UBXN2A: variants seen among roughly 807,000 people sequenced by gnomAD.
UBXN2A encodes the protein UBX domain protein 2A, also known as UBX domain-containing protein 2A.
UBXN2A carries 28 observed loss-of-function variants against 28.4 expected under a neutral mutation model. That is an observed-to-expected ratio of 0.99 (90% CI 0.73 to 1.35). UBXN2A has a LOEUF of 1.35. Among genes scored for constraint, UBXN2A ranks in the 40% most tolerant of loss-of-function variants. The pLI is 0.00. For missense variants in UBXN2A, 253 were observed against 297.9 expected, an observed-to-expected ratio of 0.85 and a Z score of 1.11; for synonymous variants, 97 against 103.6, an observed-to-expected ratio of 0.94 and a Z score of 0.39.
intron 1 of UBXN2A, among the ~76,000 whole-genome samples, chr2:23,945,500 G>T (rs144911079): frequency 2.0e-5 from 3 of 152,254 alleles, no homozygotes; most frequent in African/African-American, 7.2e-5. Flanking sequence ...AGGCTTGGGG[G>T]CCTAATCACA....
chr2:23,938,692 C>T (rs1193776196), upstream of UBXN2A, among the ~76,000 whole-genome samples: 4 of 151,818 alleles, frequency 2.6e-5, no homozygotes, highest in East Asian at 3.9e-4. Context: ...TACTATACAG[C>T]TGTATACAGC....
chr2:23,969,749 G>A (rs990414030), intron 2 of UBXN2A, among the ~76,000 whole-genome samples: 6 of 152,082 alleles, frequency 3.9e-5, no homozygotes, highest in African/African-American at 1.4e-4. Context: ...GAGTCCAGGA[G>A]GTTGAGGCAG....
intron 1 of UBXN2A, among the ~76,000 whole-genome samples, chr2:23,952,916 T>C (rs1414893574): frequency 4.0e-5 from 6 of 151,058 alleles, no homozygotes; most frequent in Non-Finnish European, 8.8e-5. Flanking sequence ...AAGTCATTGA[T>C]TTTTTTTTCA....
chr2:23,935,133 T>C (rs55846516), intron 1 of UBXN2A, among the ~76,000 whole-genome samples: 18,317 of 152,130 alleles, frequency 0.12, 1,197 homozygotes, highest in Middle Eastern at 0.21. Flanking sequence ...AGCTATAAAA[T>C]GCTTAGAAAA....
intron 4 of UBXN2A, 22 bp downstream of exon 4, chr2:23,977,097 G>A (rs191834070): frequency 4.5e-5 from 71 of 1,594,410 alleles, no homozygotes; most frequent in Non-Finnish European, 1.8e-5. Flanking sequence ...GGTGTGGTAG[G>A]TCAAGCCTGT....
upstream of UBXN2A, among the ~76,000 whole-genome samples, chr2:23,940,110 C>CAA (rs70941601): frequency 1.5e-3 from 152 of 103,998 alleles, 1 homozygote; most frequent in African/African-American, 3.8e-3. Flanking sequence ...GATTTAGTCT[C>CAA]AAAAAAAAAA....
intron 1 of UBXN2A, among the ~76,000 whole-genome samples, chr2:23,958,090 A>C (rs1220949007): frequency 6.6e-6 from 1 of 152,200 alleles, no homozygotes; most frequent in East Asian, 1.9e-4. Flanking sequence ...TTTTTTTCAT[A>C]ATAAGTTTTA....
rs766386641 is a variant in UBXN2A, at chr2:23,977,007, C to T, written c.219C>T (p.Thr73=). 7.2e-5 allele frequency: 116 copies of T among 1,612,082 alleles called. No individual in the cohort carries two copies. Among genetic ancestry groups the T allele is most frequent in the African/African-American group, 1.1e-4 (8 of 74,870 alleles). The change falls in exon 4 of 7, where the codon ACC becomes ACT. Residue 73 remains threonine, a synonymous_variant. Transcript: ENST00000309033. ...VNIKLWKNGF[T]VNDDFRSYSD... Reference sequence around the variant, plus strand: ...TAAAATTATGGAAAAACGGATTCACCGTCAACGACGATTTCAGAAGTTATT... The same window carrying T: ...TAAAATTATGGAAAAACGGATTCACTGTCAACGACGATTTCAGAAGTTATT...
intron 6 of UBXN2A, among the ~76,000 whole-genome samples, chr2:23,998,326 T>C (rs923244269): frequency 2.6e-5 from 4 of 152,214 alleles, no homozygotes; most frequent in African/African-American, 9.6e-5. Flanking sequence ...AGAAAATACT[T>C]GTTTTGTGTA....
chr2:23,962,162 AGT>A, intron 2 of UBXN2A, among the ~76,000 whole-genome samples: 1 of 152,216 alleles, frequency 6.6e-6, no homozygotes, highest in Non-Finnish European at 1.5e-5. Context: ...TGCTTTTCTA[AGT>A]GTATCAGTTG....
At chr2:23,993,086 A>T (rs1708409621) in intron 6 of UBXN2A, among the ~76,000 whole-genome samples, 1 of 152,190 alleles carries the variant, frequency 6.6e-6, no homozygotes, top group Non-Finnish European at 1.5e-5. Context: ...AGACAGCTGG[A>T]ATCACACAAC....
At chr2:23,956,835 G>T (rs71439103) in intron 1 of UBXN2A, among the ~76,000 whole-genome samples, 213 of 152,274 alleles carry the variant, frequency 1.4e-3, no homozygotes, top group Non-Finnish European at 2.3e-3. Context: ...CTTCTGGTAT[G>T]TCATTGCTTC....
At position 23,977,042 on chromosome 2, in the gene UBXN2A, C is replaced by CCAGT; in HGVS notation, c.258_261dup (p.Gln88SerfsTer21). On this transcript the variant is annotated frameshift_variant, in exon 4 of 7. Transcript: ENST00000309033. LOFTEE classifies it high-confidence loss of function. ...GATTTCAGAAGTTATTCCGATGGTG[C>CCAGT]CAGTCAGCAGTTTTTGAACTCCATC... The CCAGT allele has an allele frequency of 1.9e-6, 3 of 1,612,688 alleles. No homozygotes were observed. Among genetic ancestry groups the CCAGT allele is most frequent in the Non-Finnish European group, 2.5e-6 (3 of 1,178,992 alleles).
intron 6 of UBXN2A, among the ~76,000 whole-genome samples, chr2:23,988,472 A>G (rs1443496106): frequency 1.3e-5 from 2 of 152,062 alleles, no homozygotes; most frequent in East Asian, 1.9e-4. Flanking sequence ...TTACAAGCCA[A>G]TTTGTTTTGT....
At chr2:23,956,964 A>C (rs1706657937) in intron 1 of UBXN2A, among the ~76,000 whole-genome samples, 1 of 152,186 alleles carries the variant, frequency 6.6e-6, no homozygotes, top group Admixed American at 6.6e-5. Flanking sequence ...CCTTGCATAA[A>C]ATAGCATACT....
At chr2:23,959,662 G>A (rs898806786) in intron 2 of UBXN2A, among the ~76,000 whole-genome samples, 3 of 152,094 alleles carry the variant, frequency 2.0e-5, no homozygotes, top group Non-Finnish European at 4.4e-5. Flanking sequence ...TCAGCAAAGG[G>A]AAAAAGTACA....
chr2:23,961,970 G>A (rs529456573), intron 2 of UBXN2A, among the ~76,000 whole-genome samples: 25 of 151,558 alleles, frequency 1.6e-4, no homozygotes, highest in East Asian at 3.9e-4. Flanking sequence ...TCAGCCTCCC[G>A]AGTAGTTGGG....
intron 3 of UBXN2A, 148 bp from the exon 4 acceptor site, chr2:23,976,821 T>G: frequency 1.8e-6 from 1 of 551,944 alleles, no homozygotes. Flanking sequence ...GCTCAAGTAG[T>G]CCTCCTGTCT....
intron 4 of UBXN2A, 120 bp from the exon 5 acceptor site, chr2:23,982,776 G>A: frequency 3.8e-6 from 4 of 1,050,588 alleles, no homozygotes; most frequent in Non-Finnish European, 3.8e-6. Context: ...TTATTTCATT[G>A]TATAGAATAT....
Sources: gnomAD v4.1 joint callset for allele counts (sites outside exome capture counted in the v4.1 genomes callset) on GRCh38, gnomAD v4.1.1 for gene constraint, MANE v1.5 for transcripts, NCBI Gene and HGNC (gene_info 2026-07-23, HGNC 2026-07-21) for gene names.